RETREG1: variants seen among roughly 807,000 people sequenced by gnomAD.
RETREG1 encodes the protein family with sequence similarity 134 member B.
RETREG1 carries 44 observed loss-of-function variants against 54.8 expected under a neutral mutation model. The observed-to-expected ratio is 0.80, with a 90% CI of 0.63 to 1.03. The LOEUF (loss-of-function observed/expected upper bound fraction) is 1.03, where lower values mean the gene tolerates loss of function less well. Ranked by LOEUF, RETREG1 falls within the 50% of genes least tolerant of loss-of-function variation. The pLI, the probability that RETREG1 is intolerant of heterozygous loss-of-function variation, is 0.00. For synonymous variants in RETREG1, 217 were observed against 238.5 expected, an observed-to-expected ratio of 0.91 and a Z score of 0.83; for missense variants, 554 against 605.1, an observed-to-expected ratio of 0.92 and a Z score of 0.89.
At chr5:16,575,296 G>A (rs988769610) in intron 1 of RETREG1, among the ~76,000 whole-genome samples, 18 of 152,130 alleles carry the variant, frequency 1.2e-4, no homozygotes, top group African/African-American at 4.1e-4. Context: ...TGCGCAGCTC[G>A]GCTCACATGG....
chr5:16,545,093 T>C (rs543940870), intron 3 of RETREG1, among the ~76,000 whole-genome samples: 1 of 152,264 alleles, frequency 6.6e-6, no homozygotes, highest in East Asian at 1.9e-4. Flanking sequence ...CACATTTCAA[T>C]TGCAAAAGCA....
At chr5:16,573,748 T>TG (rs1284804581) in intron 1 of RETREG1, among the ~76,000 whole-genome samples, 95 of 139,686 alleles carry the variant, frequency 6.8e-4, no homozygotes, top group African/African-American at 2.2e-3. Context: ...TTTTGTTTTT[T>TG]TTTTTTTTTT....
intron 3 of RETREG1, among the ~76,000 whole-genome samples, chr5:16,487,833 G>A (rs950151708): frequency 2.0e-5 from 3 of 152,204 alleles, no homozygotes; most frequent in Non-Finnish European, 4.4e-5. Flanking sequence ...CCACAGAAAG[G>A]AGCTTTGGCT....
chr5:16,481,233 AT>A (rs1211281110), intron 4 of RETREG1, 140 bp from the exon 5 acceptor site: 2 of 685,286 alleles, frequency 2.9e-6, no homozygotes, highest in Non-Finnish European at 5.2e-6. Flanking sequence ...TCCAAAGAGC[AT>A]TATTTTGCAC....
chr5:16,592,143 T>G (rs947509245), intron 1 of RETREG1, among the ~76,000 whole-genome samples: 1 of 152,164 alleles, frequency 6.6e-6, no homozygotes, highest in Non-Finnish European at 1.5e-5. Flanking sequence ...TCCCAATCAA[T>G]TCAACTACAT....
At chr5:16,511,714 T>G (rs1740180308) in intron 3 of RETREG1, among the ~76,000 whole-genome samples, 1 of 152,164 alleles carries the variant, frequency 6.6e-6, no homozygotes, top group Non-Finnish European at 1.5e-5. Context: ...AATTGGCTCA[T>G]GGATCTGCAG....
chr5:16,474,498 A>C lies in RETREG1; in HGVS notation c.*243T>G. ...CAACCCCTAATATTTATCTCTGACA[A>C]CACAGTGGTGTGTATAAAGTTCATT... On this transcript the variant is annotated 3_prime_UTR_variant, in exon 9 of 9. Coordinates refer to ENST00000306320, the MANE Select transcript of RETREG1 (RefSeq NM_001034850.3). 1 of 515,334 alleles carries C rather than the reference A, an allele frequency of 1.9e-6. No individual in the cohort carries two copies. The highest frequency in any genetic ancestry group is 3.4e-6 in the Non-Finnish European group (1 of 294,654). 31.9% of individuals were successfully genotyped at this position (515,334 alleles called of 1,614,324 possible).
At chr5:16,601,599 T>C (rs1743057006) in intron 1 of RETREG1, among the ~76,000 whole-genome samples, 1 of 152,108 alleles carries the variant, frequency 6.6e-6, no homozygotes, top group African/African-American at 2.4e-5. Context: ...TTTCACCATG[T>C]TGGCCAGGCT....
chr5:16,519,008 G>A (rs192901821), intron 3 of RETREG1, among the ~76,000 whole-genome samples: 3 of 152,236 alleles, frequency 2.0e-5, no homozygotes, highest in Non-Finnish European at 4.4e-5. Flanking sequence ...GAACAAAGTG[G>A]AAGAGGATAT....
chr5:16,547,385 C>A (rs78214786), intron 3 of RETREG1, among the ~76,000 whole-genome samples: 1,568 of 152,296 alleles, frequency 0.01, 31 homozygotes, highest in African/African-American at 0.035. Flanking sequence ...GAACAGAAAA[C>A]AGGGGTATTT....
At chr5:16,477,998 C>G in intron 7 of RETREG1, 36 bp downstream of exon 7, 1 of 1,542,950 alleles carries the variant, frequency 6.5e-7, no homozygotes, top group Non-Finnish European at 8.9e-7. Context: ...ACAGTCAAAC[C>G]ACACAGGAAC....
Position 16,561,150 on chromosome 5 carries a change from C to G in RETREG1, c.458+4613G>C, listed in dbSNP as rs1296480205. 1.3e-5 allele frequency among the ~76,000 whole-genome samples: 2 copies of G among 151,778 alleles called. No individual in the cohort carries two copies. The highest frequency in any genetic ancestry group is 1.9e-4 in the East Asian group (1 of 5,190). On this transcript the variant is annotated intron_variant, in intron 3 of 8. Transcript: ENST00000306320. This position sits in a 1 kb window ranked among gnomAD's most constrained non-coding sequence, Gnocchi z 4.2. Reference sequence around the variant, plus strand: ...GGGTTGGGACCAGAATGAAAGTTAGCTGTACCTGGATATACACCTAACCAG... The same window carrying G: ...GGGTTGGGACCAGAATGAAAGTTAGGTGTACCTGGATATACACCTAACCAG...
At position 16,616,686 on chromosome 5, in the gene RETREG1, G is replaced by C. The variant is rs776560421; in HGVS notation, c.286C>G (p.Leu96Val). 6 of 1,596,314 alleles carry C rather than the reference G, an allele frequency of 3.8e-6. No individual in the cohort carries two copies. Among genetic ancestry groups the C allele is most frequent in the Non-Finnish European group, 5.1e-6 (6 of 1,177,586 alleles). Reference protein sequence around the residue: ...LLSWKRPLRSLLGFVAANLLF... With the variant: ...LLSWKRPLRSVLGFVAANLLF... ...AGGTTGGCAGCGACGAAGCCGAGCA[G>C]GCTCCGCAGCGGCCTCTTCCAGCTC... Residue 96 changes from leucine (L) to valine (V), a missense_variant, in exon 1 of 9, where the codon CTG becomes GTG. Leu to Val is a conservative substitution (Grantham distance 32, BLOSUM62 1). Transcript: ENST00000306320.
At position 16,528,422 on chromosome 5, in the gene RETREG1, G is replaced by A. The variant is rs986103155; in HGVS notation, c.458+37341C>T. 4.6e-5 allele frequency among the ~76,000 whole-genome samples: 7 copies of A among 152,234 alleles called. No individual in the cohort carries two copies. In the East Asian group the frequency reaches 1.2e-3, roughly 25 times the overall value. Reference sequence around the variant, plus strand: ...TACCTGGACCTTGGCAATGAAAAGGGGACGGTCACCCCAGGTTCAAGGTCA... The same window carrying A: ...TACCTGGACCTTGGCAATGAAAAGGAGACGGTCACCCCAGGTTCAAGGTCA... On this transcript the variant is annotated intron_variant, in intron 3 of 8. Coordinates refer to ENST00000306320, the MANE Select transcript of RETREG1 (RefSeq NM_001034850.3).
chr5:16,509,757 G>A (rs1469491308), intron 3 of RETREG1, among the ~76,000 whole-genome samples: 1 of 152,168 alleles, frequency 6.6e-6, no homozygotes, highest in African/African-American at 2.4e-5. Context: ...AGCACTGTGG[G>A]AAGCTGAGGT....
At chr5:16,572,492 C>T (rs765219592) in intron 1 of RETREG1, among the ~76,000 whole-genome samples, 2 of 152,170 alleles carry the variant, frequency 1.3e-5, no homozygotes, top group African/African-American at 2.4e-5. Flanking sequence ...GGATTACAGG[C>T]GTGAGCCACT....
rs1739884218 is a variant in RETREG1 at position 16,504,846 on chromosome 5, C to A, written c.459-21374G>T. 2.6e-5 allele frequency among the ~76,000 whole-genome samples: 4 copies of A among 152,264 alleles called. No homozygotes were observed. The South Asian group carries it at 8.3e-4, about 32-fold the overall frequency. ...TGGCTCACAGGAATCCCAACGGCAC[C>A]CTGGTCAGGCTCCTGTGCCAGGCTT... On this transcript the variant is annotated intron_variant, in intron 3 of 8. Coordinates refer to ENST00000306320, the MANE Select transcript of RETREG1 (RefSeq NM_001034850.3).
intron 3 of RETREG1, among the ~76,000 whole-genome samples, chr5:16,549,891 C>T (rs953268197): frequency 6.6e-6 from 1 of 152,012 alleles, no homozygotes; most frequent in African/African-American, 2.4e-5. Flanking sequence ...TTTCTGTGTT[C>T]GTGAAAATAT....
chr5:16,572,847 G>C (rs1040519945), intron 1 of RETREG1, among the ~76,000 whole-genome samples: 1 of 151,842 alleles, frequency 6.6e-6, no homozygotes, highest in African/African-American at 2.4e-5. Flanking sequence ...TTTCATTTAC[G>C]CCCTATTCAC....
Sources: gnomAD v4.1 joint callset for allele counts (sites outside exome capture counted in the v4.1 genomes callset) on GRCh38, gnomAD v4.1.1 for gene constraint, Gnocchi (gnomAD v3.1) non-coding constraint, MANE v1.5 for transcripts, NCBI Gene and HGNC (gene_info 2026-07-23, HGNC 2026-07-21) for gene names.